The following KCNU1 variants were observed in gnomAD, a reference collection of about 807,000 sequenced individuals.
KCNU1 encodes the protein potassium calcium-activated channel subfamily U member 1.
A neutral mutation model predicts 126.8 loss-of-function variants in KCNU1; 93 were observed. The ratio of observed to expected loss-of-function variants is 0.73; its 90% CI spans 0.62 to 0.87. The LOEUF (loss-of-function observed/expected upper bound fraction) is 0.87, where lower values mean the gene tolerates loss of function less well. KCNU1 is among the 40% of genes least tolerant of loss of function. The pLI, the probability that KCNU1 is intolerant of heterozygous loss-of-function variation, is 0.00. For missense variants in KCNU1, 1,330 were observed against 1,367.1 expected (o/e 0.97, Z 0.43); for synonymous variants, 523 against 494.2 (o/e 1.06, Z -0.77).
At chr8:36,929,497 G>A (rs1056379952) in intron 24 of KCNU1, among the ~76,000 whole-genome samples, 3 of 151,390 alleles carry the variant, frequency 2.0e-5, no homozygotes, top group Admixed American at 1.3e-4. Flanking sequence ...ACTCAAGTGT[G>A]TTTCATACAA....
intron 2 of KCNU1, among the ~76,000 whole-genome samples, chr8:36,789,407 T>C (rs1314691429): frequency 6.6e-6 from 1 of 152,174 alleles, no homozygotes; most frequent in Non-Finnish European, 1.5e-5. Context: ...CTGAGTCTCT[T>C]AGAGATCCCA....
chr8:36,913,600 ATTTTTTTTT>A (rs11331239), intron 22 of KCNU1, among the ~76,000 whole-genome samples: 1 of 129,014 alleles, frequency 7.8e-6, no homozygotes, highest in African/African-American at 2.8e-5. Flanking sequence ...GTGAGGTCAC[ATTTTTTTTT>A]TTTTTTTTTT....
intron 16 of KCNU1, among the ~76,000 whole-genome samples, chr8:36,842,050 C>G (rs935634240): frequency 6.6e-6 from 1 of 151,900 alleles, no homozygotes; most frequent in Admixed American, 6.6e-5. Context: ...CTCATGTGTA[C>G]TTTTTAGTGA....
intron 19 of KCNU1, among the ~76,000 whole-genome samples, chr8:36,870,151 C>A (rs1397323484): frequency 6.6e-6 from 1 of 152,172 alleles, no homozygotes; most frequent in East Asian, 1.9e-4. Context: ...GGCAGTCTTT[C>A]ATTTCCAACC....
chr8:36,868,307 A>G (rs1805983015), intron 19 of KCNU1, among the ~76,000 whole-genome samples: 1 of 152,130 alleles, frequency 6.6e-6, no homozygotes, highest in African/African-American at 2.4e-5. Flanking sequence ...TAGAGGATCT[A>G]TGTTTGCCAT....
chr8:36,808,323 C>T (rs1391601929), intron 6 of KCNU1, among the ~76,000 whole-genome samples: 1 of 152,040 alleles, frequency 6.6e-6, no homozygotes, highest in African/African-American at 2.4e-5. Context: ...GATTTCTACC[C>T]CTTGGATTCC....
intron 22 of KCNU1, among the ~76,000 whole-genome samples, chr8:36,912,929 C>T (rs937681651): frequency 5.0e-5 from 6 of 119,992 alleles, no homozygotes; most frequent in Non-Finnish European, 6.4e-5. Context: ...GATCGTGCCA[C>T]TGCACTCCAG....
intron 18 of KCNU1, among the ~76,000 whole-genome samples, chr8:36,849,955 G>A (rs1440159551): frequency 2.0e-5 from 3 of 152,202 alleles, no homozygotes; most frequent in Non-Finnish European, 2.9e-5. Context: ...AATGCAGAAA[G>A]GTTCCAGTTT....
At chr8:36,881,033 C>G (rs556065083) in intron 19 of KCNU1, among the ~76,000 whole-genome samples, 1 of 152,176 alleles carries the variant, frequency 6.6e-6, no homozygotes, top group East Asian at 1.9e-4. Flanking sequence ...AAGTTCTCAG[C>G]ATCTCACAGA....
intron 19 of KCNU1, among the ~76,000 whole-genome samples, chr8:36,892,853 T>C (rs1047253815): frequency 1.3e-5 from 2 of 152,154 alleles, no homozygotes; most frequent in African/African-American, 4.8e-5. Flanking sequence ...CAGGTTTTTT[T>C]TCCCCTGGGT....
chr8:36,912,040 G>A (rs574436142), intron 22 of KCNU1, among the ~76,000 whole-genome samples: 1 of 152,266 alleles, frequency 6.6e-6, no homozygotes, highest in Non-Finnish European at 1.5e-5. Context: ...AGTAAGTCAT[G>A]ACTGGAATCC....
At chr8:36,860,626 ATAGAG>A (rs1805694475) in intron 18 of KCNU1, among the ~76,000 whole-genome samples, 1 of 152,170 alleles carries the variant, frequency 6.6e-6, no homozygotes, top group Admixed American at 6.5e-5. Context: ...TTTACATGTG[ATAGAG>A]TAGAGGGAAT....
chr8:36,879,207 G>GTA (rs1482123765), intron 19 of KCNU1, among the ~76,000 whole-genome samples: 2 of 53,880 alleles, frequency 3.7e-5, no homozygotes, highest in African/African-American at 1.2e-4. Flanking sequence ...GTGTGTGTGT[G>GTA]TGTGTATATA....
intron 18 of KCNU1, among the ~76,000 whole-genome samples, chr8:36,861,324 G>A (rs187169565): frequency 9.2e-5 from 14 of 152,122 alleles, no homozygotes; most frequent in South Asian, 4.1e-4. Flanking sequence ...ATTTCCAATC[G>A]TTAGCATTAA....
At chr8:36,804,209 A>C (rs985571691) in intron 3 of KCNU1, 121 bp downstream of exon 3, 200 of 680,000 alleles carry the variant, frequency 2.9e-4, no homozygotes, top group Admixed American at 6.0e-4. Flanking sequence ...GCACACACAC[A>C]AACTCATAAA....
At chr8:36,919,830 G>A (rs1357594576) in intron 23 of KCNU1, among the ~76,000 whole-genome samples, 1 of 152,202 alleles carries the variant, frequency 6.6e-6, no homozygotes, top group Non-Finnish European at 1.5e-5. Context: ...CCCAAATTAG[G>A]TGAACATCTA....
At position 36,935,658 on chromosome 8, in the gene KCNU1, C is replaced by T. The variant is rs1563345722; in HGVS notation, c.3188C>T (p.Ser1063Leu). 4 of 1,613,438 alleles carry T rather than the reference C, an allele frequency of 2.5e-6. No individual in the cohort carries two copies. Among genetic ancestry groups the T allele is most frequent in the Non-Finnish European group, 3.4e-6 (4 of 1,179,548 alleles). ...QKSYEIVNKA[S>L]QTTETHSDTN... is the part of the protein sequence containing the mutation. ...TCATATGAAATTGTAAATAAAGCAT[C>T]ACAGACAACAGAGACACATTCAGAC... Residue 1063 changes from serine (S) to leucine (L), a missense_variant, in exon 27 of 27, where the codon TCA becomes TTA. Transcript: ENST00000399881.
At chr8:36,848,318 G>A (rs1280227897) in intron 18 of KCNU1, among the ~76,000 whole-genome samples, 1 of 151,982 alleles carries the variant, frequency 6.6e-6, no homozygotes, top group Non-Finnish European at 1.5e-5. Flanking sequence ...GTCTATTTTT[G>A]GTTTTGTTCC....
intron 9 of KCNU1, among the ~76,000 whole-genome samples, chr8:36,816,064 A>C (rs973245442): frequency 8.6e-5 from 13 of 151,962 alleles, no homozygotes; most frequent in African/African-American, 3.1e-4. Flanking sequence ...CTAACTTTAC[A>C]TAATGGATCG....
Sources: allele counts gnomAD v4.1 joint callset (sites outside exome capture counted in the v4.1 genomes callset), GRCh38; gene constraint gnomAD v4.1.1; transcripts MANE v1.5; gene names NCBI Gene and HGNC (gene_info 2026-07-23, HGNC 2026-07-21).